The following ZEB1 variants were observed in gnomAD, a reference collection of about 807,000 sequenced individuals.
ZEB1 encodes zinc finger E-box-binding homeobox 1.
ZEB1 carries 21 observed loss-of-function variants against 84.9 expected under a neutral mutation model. The observed-to-expected ratio is 0.25, with a 90% CI of 0.18 to 0.36. ZEB1 has a LOEUF of 0.36. Ranked by LOEUF, ZEB1 falls within the 10% of genes least tolerant of loss-of-function variation. The probability of loss-of-function intolerance (pLI) is 1.00; values close to 1 mark genes in which losing one functional copy is unlikely to be tolerated. For missense variants in ZEB1, 1,104 were observed against 1,330.2 expected (o/e 0.83, Z 2.65); for synonymous variants, 420 against 471.1 (o/e 0.89, Z 1.41).
chr10:31,519,134 T>C (rs1197572600), intron 6 of ZEB1, among the ~76,000 whole-genome samples: 1 of 152,180 alleles, frequency 6.6e-6, no homozygotes, highest in African/African-American at 2.4e-5. Context: ...ACCTGTACTT[T>C]GATGGGTGCA....
At chr10:31,379,399 C>CTT (rs2047235275) in intron 1 of ZEB1, among the ~76,000 whole-genome samples, 1 of 151,620 alleles carries the variant, frequency 6.6e-6, no homozygotes, top group Non-Finnish European at 1.5e-5. Flanking sequence ...GAAACTTAAC[C>CTT]AATTCTCCTC....
At chr10:31,321,164 C>T in intron 1 of ZEB1, 1 of 1,069,146 alleles carries the variant, frequency 9.4e-7, no homozygotes, top group Non-Finnish European at 1.1e-6. Context: ...ATGCGAAACG[C>T]GAGGTTTTGT....
At chr10:31,478,746 TAACTC>T (rs954070336) in intron 2 of ZEB1, among the ~76,000 whole-genome samples, 17 of 151,970 alleles carry the variant, frequency 1.1e-4, no homozygotes, top group African/African-American at 3.6e-4. Context: ...CTAAGTGAAA[TAACTC>T]AGTAACAGAA....
intron 1 of ZEB1, among the ~76,000 whole-genome samples, chr10:31,348,348 G>C (rs529470641): frequency 6.6e-6 from 1 of 152,224 alleles, no homozygotes; most frequent in African/African-American, 2.4e-5. Context: ...TGGATCACTT[G>C]AGGTCAGGAG....
intron 1 of ZEB1, among the ~76,000 whole-genome samples, chr10:31,398,971 A>C (rs868739994): frequency 1.6e-4 from 24 of 150,982 alleles, no homozygotes; most frequent in African/African-American, 5.6e-4. Flanking sequence ...CCATTTGCTA[A>C]TGATCAGAAG....
At chr10:31,405,958 C>G (rs927361644) in intron 1 of ZEB1, among the ~76,000 whole-genome samples, 1 of 152,126 alleles carries the variant, frequency 6.6e-6, no homozygotes, top group Admixed American at 6.5e-5. Context: ...GTTTTCTGTT[C>G]CTGCGTTAGT....
chr10:31,319,142 G>GGGAGGGGGGAGGGGT, upstream of ZEB1: 1 of 842,312 alleles, frequency 1.2e-6, no homozygotes. Context: ...AGGTGCGGTG[G>GGGAGGGGGGAGGGGT]GGAGGGGGGA....
At chr10:31,369,605 A>G (rs2045316886) in intron 1 of ZEB1, among the ~76,000 whole-genome samples, 1 of 152,214 alleles carries the variant, frequency 6.6e-6, no homozygotes, top group Non-Finnish European at 1.5e-5. Flanking sequence ...TCATCCATTG[A>G]TAGACACTTA....
At chr10:31,418,546 AAACAG>A (rs1272525447) in intron 1 of ZEB1, among the ~76,000 whole-genome samples, 4 of 152,162 alleles carry the variant, frequency 2.6e-5, no homozygotes, top group African/African-American at 9.7e-5. Flanking sequence ...TAAAAAATAA[AAACAG>A]AACTAGTTTG....
At chr10:31,423,664 A>G (rs2136093154) in intron 1 of ZEB1, among the ~76,000 whole-genome samples, 1 of 152,258 alleles carries the variant, frequency 6.6e-6, no homozygotes, top group East Asian at 1.9e-4. Context: ...TGAGTTATCT[A>G]TAAGCGGCTA....
intron 1 of ZEB1, among the ~76,000 whole-genome samples, chr10:31,429,047 A>G (rs2057348466): frequency 6.6e-6 from 1 of 152,126 alleles, no homozygotes; most frequent in Admixed American, 6.5e-5. Context: ...TAATTGGGGC[A>G]TTGAGCCCAT....
intron 1 of ZEB1, chr10:31,374,908 A>C (rs1454213231): frequency 1.3e-5 from 2 of 151,854 alleles, no homozygotes; most frequent in Non-Finnish European, 3.0e-5. Flanking sequence ...AGCCCTGAAG[A>C]GGGACACTGA....
intron 1 of ZEB1, among the ~76,000 whole-genome samples, chr10:31,449,561 A>G (rs1376301772): frequency 6.6e-6 from 1 of 152,016 alleles, no homozygotes; most frequent in East Asian, 1.9e-4. Flanking sequence ...TTTCCAAATG[A>G]TTTTTATTAA....
intron 1 of ZEB1, among the ~76,000 whole-genome samples, chr10:31,425,558 TA>T (rs112184174): frequency 9.9e-5 from 15 of 152,072 alleles, no homozygotes; most frequent in African/African-American, 2.9e-4. Flanking sequence ...AAATTCTTTA[TA>T]AAAAAATCCA....
At chr10:31,483,738 T>C (rs755773471) in intron 2 of ZEB1, among the ~76,000 whole-genome samples, 8 of 152,004 alleles carry the variant, frequency 5.3e-5, no homozygotes, top group Non-Finnish European at 1.0e-4. Context: ...TTATCTTCAT[T>C]CTTCTCTCTG....
Position 31,521,083 on chromosome 10 carries a change from C to T in ZEB1, c.1751C>T (p.Ser584Phe), listed in dbSNP as rs1306407600. ...TCAGCTACTGGAGATGGCAATTTGTCTCCTAGTCAGCCACCTTTAAAGAAC... is the reference window on the plus strand; with the variant it reads ...TCAGCTACTGGAGATGGCAATTTGTTTCCTAGTCAGCCACCTTTAAAGAAC... ...VSSATGDGNL[S>F]PSQPPLKNLL... Residue 584 changes from serine to phenylalanine, a missense_variant, in exon 7 of 9, where the codon TCT becomes TTT. Ser to Phe is a radical substitution (Grantham distance 155). Coordinates refer to ENST00000424869, the MANE Select transcript of ZEB1 (RefSeq NM_001174096.2). 3 of 1,614,104 alleles carry T rather than the reference C, an allele frequency of 1.9e-6. No individual in the cohort carries two copies. The highest frequency in any genetic ancestry group is 2.5e-6 in the Non-Finnish European group (3 of 1,180,014).
intron 2 of ZEB1, among the ~76,000 whole-genome samples, chr10:31,476,491 AG>A (rs2138249649): frequency 6.6e-6 from 1 of 152,176 alleles, no homozygotes; most frequent in South Asian, 2.1e-4. Flanking sequence ...ACAACAAAAA[AG>A]CCCAGGACCA....
intron 1 of ZEB1, among the ~76,000 whole-genome samples, chr10:31,449,145 C>G (rs553914158): frequency 6.6e-6 from 1 of 152,212 alleles, no homozygotes; most frequent in Non-Finnish European, 1.5e-5. Context: ...GTCTGAAAAG[C>G]GCAATATTCG....
chr10:31,520,440 C>G lies in ZEB1; in HGVS notation c.1108C>G (p.Pro370Ala), dbSNP rs758835880. 24 of 1,613,874 alleles carry G rather than the reference C, an allele frequency of 1.5e-5. No individual in the cohort carries two copies. Among genetic ancestry groups the G allele is most frequent in the African/African-American group, 9.3e-5 (7 of 74,900 alleles). ...TGCTTCAGGAATCAACTGTTCAACC[C>G]CTTTACAAAATGGGGTTTTCACTGG... Reference protein sequence around the residue: ...VVASGINCSTPLQNGVFTGGG... With the variant: ...VVASGINCSTALQNGVFTGGG... The change falls in exon 7 of 9, where the codon CCT becomes GCT. Residue 370 changes from proline to alanine, a missense_variant. Physicochemically the swap from Pro to Ala is conservative, Grantham distance 27 (BLOSUM62 -1). This residue lies in a region of ZEB1 where 111 missense variants were observed against 161.8 expected (regional missense o/e 0.69). Transcript: ENST00000424869. This position sits in a 1 kb window ranked among gnomAD's most constrained non-coding sequence, Gnocchi z 5.1.
Sources: allele counts gnomAD v4.1 joint callset (sites outside exome capture counted in the v4.1 genomes callset), GRCh38; gene constraint gnomAD v4.1.1; regional missense constraint gnomAD v4.1.1; non-coding constraint Gnocchi (gnomAD v3.1); transcripts MANE v1.5; gene names NCBI Gene and HGNC (gene_info 2026-07-23, HGNC 2026-07-21).